THSD7A: variants seen among roughly 807,000 people sequenced by gnomAD.
THSD7A encodes the protein thrombospondin type 1 domain containing 7A, also known as thrombospondin type-1 domain-containing protein 7A.
In THSD7A, 96 loss-of-function variants were observed where a neutral mutation model predicts 231.3. The ratio of observed to expected loss-of-function variants is 0.41; its 90% CI spans 0.35 to 0.49. The LOEUF (loss-of-function observed/expected upper bound fraction) is 0.49. THSD7A is among the 20% of genes least tolerant of loss of function. The probability of loss-of-function intolerance (pLI) is 0.05; values close to 1 mark genes in which losing one functional copy is unlikely to be tolerated. For missense variants in THSD7A, 2,290 were observed against 2,070.2 expected (o/e 1.11, Z -2.06); for synonymous variants, 940 against 743.3 (o/e 1.26, Z -4.30).
At chr7:11,820,993 T>C in intron 1 of THSD7A, 1 of 1,035,016 alleles carries the variant, frequency 9.7e-7, no homozygotes, top group South Asian at 1.5e-5. Context: ...GGATCATCTC[T>C]GTATTTTCCC....
At chr7:11,593,913 G>C (rs982808973) in intron 2 of THSD7A, among the ~76,000 whole-genome samples, 31 of 152,138 alleles carry the variant, frequency 2.0e-4, no homozygotes. Context: ...GGTTAATACT[G>C]AGTGTCAAAT....
chr7:11,772,472 T>C (rs535458059), intron 1 of THSD7A, among the ~76,000 whole-genome samples: 1 of 152,238 alleles, frequency 6.6e-6, no homozygotes, highest in East Asian at 1.9e-4. Flanking sequence ...GGAATCAATC[T>C]AGATGCCCAT....
At chr7:11,694,278 G>C (rs1476665335) in intron 1 of THSD7A, among the ~76,000 whole-genome samples, 1 of 151,514 alleles carries the variant, frequency 6.6e-6, no homozygotes, top group Non-Finnish European at 1.5e-5. Flanking sequence ...TTAGAAGCAA[G>C]GGTGAAAAGT....
chr7:11,494,611 C>T (rs1787025981), intron 6 of THSD7A, among the ~76,000 whole-genome samples: 1 of 151,946 alleles, frequency 6.6e-6, no homozygotes, highest in Admixed American at 6.6e-5. Context: ...TATGGCAATT[C>T]AAGTGGGAAG....
chr7:11,726,979 A>G (rs1391160763), intron 1 of THSD7A, among the ~76,000 whole-genome samples: 1 of 151,944 alleles, frequency 6.6e-6, no homozygotes, highest in Non-Finnish European at 1.5e-5. Flanking sequence ...GAGCTCTGAC[A>G]AGAGCGACGT....
At chr7:11,380,644 C>A (rs1782475090) in intron 24 of THSD7A, among the ~76,000 whole-genome samples, 1 of 152,130 alleles carries the variant, frequency 6.6e-6, no homozygotes, top group African/African-American at 2.4e-5. Flanking sequence ...TAAACACACA[C>A]ACACAAAGCA....
At chr7:11,552,441 G>C (rs1789671297) in intron 4 of THSD7A, among the ~76,000 whole-genome samples, 1 of 152,008 alleles carries the variant, frequency 6.6e-6, no homozygotes, top group South Asian at 2.1e-4. Context: ...TTAGCTTTTG[G>C]TGTATTTTCA....
At chr7:11,409,503 C>T (rs1783708057) in intron 19 of THSD7A, among the ~76,000 whole-genome samples, 1 of 152,302 alleles carries the variant, frequency 6.6e-6, no homozygotes, top group East Asian at 1.9e-4. Flanking sequence ...GGTTTTTACT[C>T]ATATTCGATG....
chr7:11,565,506 T>C (rs1332796549), intron 4 of THSD7A, among the ~76,000 whole-genome samples: 1 of 152,152 alleles, frequency 6.6e-6, no homozygotes, highest in Non-Finnish European at 1.5e-5. Context: ...ACTATTCCAA[T>C]AATACAGGCA....
intron 2 of THSD7A, among the ~76,000 whole-genome samples, chr7:11,621,024 A>G (rs1562775689): frequency 6.6e-6 from 1 of 152,200 alleles, no homozygotes; most frequent in African/African-American, 2.4e-5. Flanking sequence ...CTTTGCATAG[A>G]TATGTCACCA....
rs189327787 is a variant in THSD7A at position 11,597,500 on chromosome 7, T to C, written c.1023-3998A>G. Among the ~76,000 whole-genome samples, 4 of 152,274 alleles carry C rather than the reference T, an allele frequency of 2.6e-5. No homozygotes were observed. In the East Asian group the frequency reaches 7.7e-4, roughly 29 times the overall value. The stretch of plus-strand genomic sequence containing the variant: ...TACGACCCCCCATATCCAATGGTGA[T>C]TGAGGTGTCAGTGGCAGATAGGCAT... On this transcript the variant is annotated intron_variant, in intron 2 of 27. Coordinates refer to ENST00000423059, the MANE Select transcript of THSD7A (RefSeq NM_015204.3).
At chr7:11,577,384 T>C (rs1584013392) in intron 4 of THSD7A, among the ~76,000 whole-genome samples, 1 of 152,180 alleles carries the variant, frequency 6.6e-6, no homozygotes, top group Non-Finnish European at 1.5e-5. Context: ...TGGTGTGATC[T>C]TGGCTCATTG....
At chr7:11,603,604 G>A (rs1261710912) in intron 2 of THSD7A, among the ~76,000 whole-genome samples, 340 of 151,516 alleles carry the variant, frequency 2.2e-3, no homozygotes, top group African/African-American at 7.5e-3. Flanking sequence ...CATTATTCAC[G>A]ATAGCAAAGA....
At chr7:11,690,673 G>A (rs1186776012) in intron 1 of THSD7A, among the ~76,000 whole-genome samples, 1 of 151,648 alleles carries the variant, frequency 6.6e-6, no homozygotes, top group Admixed American at 6.6e-5. Flanking sequence ...CACCATAAAG[G>A]CAATTATGCC....
chr7:11,508,393 A>G (rs78321217), intron 6 of THSD7A, among the ~76,000 whole-genome samples: 4,574 of 152,280 alleles, frequency 0.03, 241 homozygotes, highest in African/African-American at 0.1. Flanking sequence ...CTGTCAGAAC[A>G]GCTATGATCA....
At chr7:11,570,975 TTGA>T (rs1790603527) in intron 4 of THSD7A, among the ~76,000 whole-genome samples, 1 of 152,334 alleles carries the variant, frequency 6.6e-6, no homozygotes, top group East Asian at 1.9e-4. Context: ...GTCTCCATTC[TTGA>T]TGAAGTCCTC....
chr7:11,402,104 C>A lies in THSD7A; in HGVS notation c.4238-136G>T, dbSNP rs189156854. On this transcript the variant is annotated intron_variant, in intron 22 of 27. Transcript: ENST00000423059. Reference sequence around the variant, plus strand: ...ATAATATTTATAAGATTTAAATAAGCATTTAATATTTGTAAATTTGTAATT... The same window carrying A: ...ATAATATTTATAAGATTTAAATAAGAATTTAATATTTGTAAATTTGTAATT... 1.2e-5 allele frequency: 8 copies of A among 669,222 alleles called. No individual in the cohort carries two copies. In the East Asian group the frequency reaches 2.3e-4, roughly 19 times the overall value. The allele number at this position is 669,222 out of a possible 1,614,324, so 41.5% of individuals were successfully genotyped here.
intron 1 of THSD7A, among the ~76,000 whole-genome samples, chr7:11,795,539 G>T (rs550693711): frequency 6.6e-6 from 1 of 151,762 alleles, no homozygotes; most frequent in Non-Finnish European, 1.5e-5. Flanking sequence ...TTTGTAGGTC[G>T]CATTCATTAT....
intron 4 of THSD7A, among the ~76,000 whole-genome samples, chr7:11,555,580 G>A (rs745862829): frequency 9.2e-5 from 14 of 151,774 alleles, no homozygotes; most frequent in Non-Finnish European, 1.8e-4. Flanking sequence ...GATTTTATTG[G>A]TTGATGGTAC....
Sources: allele counts gnomAD v4.1 joint callset (sites outside exome capture counted in the v4.1 genomes callset), GRCh38; gene constraint gnomAD v4.1.1; transcripts MANE v1.5; gene names NCBI Gene and HGNC (gene_info 2026-07-23, HGNC 2026-07-21).